DHODH: variants seen among roughly 807,000 people sequenced by gnomAD.
DHODH encodes the protein dihydroorotate dehydrogenase (quinone), also known as dihydroorotate dehydrogenase (quinone), mitochondrial.
Under a neutral mutation model 39.7 loss-of-function variants are expected in DHODH, and 30 were observed. The observed-to-expected ratio is 0.76, with a 90% CI of 0.57 to 1.02. The LOEUF (loss-of-function observed/expected upper bound fraction) is 1.02. Among genes scored for constraint, DHODH ranks in the 50% least tolerant of loss-of-function variants. The pLI, the probability that DHODH is intolerant of heterozygous loss-of-function variation, is 0.00. For synonymous variants in DHODH, 222 were observed against 213.8 expected (o/e 1.04, Z -0.34); for missense variants, 531 against 520.8 (o/e 1.02, Z -0.19).
chr16:72,010,832 G>A (rs1237656875), intron 1 of DHODH, among the ~76,000 whole-genome samples: 4 of 152,142 alleles, frequency 2.6e-5, no homozygotes, highest in Non-Finnish European at 5.9e-5. Flanking sequence ...GGGCTCAAGG[G>A]ATCCACCCAC....
chr16:72,023,582 G>C lies in DHODH; in HGVS notation c.1082G>C (p.Trp361Ser), dbSNP rs1179950311. The part of the protein sequence containing the change: ...LVQLYTALTF[W>S]GPPVVGKVKR... ...CAGCTGTACACGGCCCTCACCTTCTGGGGGCCACCCGTTGTGGGCAAAGTC... is the reference window on the plus strand; with the variant it reads ...CAGCTGTACACGGCCCTCACCTTCTCGGGGCCACCCGTTGTGGGCAAAGTC... Residue 361 changes from tryptophan to serine, a missense_variant, in exon 8 of 9, where the codon TGG becomes TCG. Trp to Ser is a radical substitution (Grantham distance 177, BLOSUM62 -3). Transcript: ENST00000219240. 1 of 1,613,932 alleles carries C rather than the reference G, an allele frequency of 6.2e-7. No individual in the cohort carries two copies. Among genetic ancestry groups the C allele is most frequent in the Non-Finnish European group, 8.5e-7 (1 of 1,180,038 alleles).
At chr16:72,008,844 G>A in intron 1 of DHODH, 59 bp downstream of exon 1, 1 of 1,551,858 alleles carries the variant, frequency 6.4e-7, no homozygotes, top group Non-Finnish European at 8.7e-7. Flanking sequence ...GGGCGAGAAC[G>A]GAGAGTCAGG....
intron 6 of DHODH, among the ~76,000 whole-genome samples, chr16:72,022,865 G>C (rs1224822111): frequency 6.6e-6 from 1 of 152,158 alleles, no homozygotes; most frequent in Non-Finnish European, 1.5e-5. Context: ...TCAAATCCTG[G>C]TTCCACCACT....
intron 4 of DHODH, among the ~76,000 whole-genome samples, chr16:72,018,426 G>A (rs1295593683): frequency 6.6e-6 from 1 of 152,196 alleles, no homozygotes; most frequent in Non-Finnish European, 1.5e-5. Context: ...TGGGTTGGGT[G>A]GAACCAGACC....
In DHODH at chr16:72,027,126, A is replaced by G. The variant is rs1419576252; in HGVS notation, c.*2927A>G. On this transcript the variant is annotated 3_prime_UTR_variant, in exon 9 of 9. Coordinates refer to ENST00000219240, the MANE Select transcript of DHODH (RefSeq NM_001361.5). ...ATTCTCCTGCCTCAGCCTCCCGAGT[A>G]GCTGGGACTACAGGCGCCTGCCACC... 1.3e-5 allele frequency: 2 copies of G among 152,238 alleles called. No individual in the cohort carries two copies. The highest frequency in any genetic ancestry group is 4.8e-5 in the African/African-American group (2 of 41,380). 9.4% of individuals were successfully genotyped at this position (152,238 alleles called of 1,614,324 possible). A position where few individuals can be genotyped will look rare whatever the true frequency, so the allele number is the denominator to read the frequency against.
chr16:72,023,698 C>A, intron 8 of DHODH, 65 bp downstream of exon 8: 1 of 1,594,774 alleles, frequency 6.3e-7, no homozygotes, highest in South Asian at 1.1e-5. Flanking sequence ...TCACTCAAGT[C>A]AACGAGATAC....
chr16:72,015,957 A>G (rs374348838), intron 3 of DHODH: 24 of 852,230 alleles, frequency 2.8e-5, no homozygotes, highest in Middle Eastern at 5.9e-4. Context: ...TGGCTCTAAC[A>G]AAGTGGCTTA....
At chr16:72,017,967 G>A (rs1280630535) in intron 4 of DHODH, among the ~76,000 whole-genome samples, 5 of 152,048 alleles carry the variant, frequency 3.3e-5, no homozygotes, top group Admixed American at 2.6e-4. Flanking sequence ...GTAGAGACGG[G>A]GTTTCACTGT....
chr16:72,008,924 G>A (rs2041050526), intron 1 of DHODH, 139 bp downstream of exon 1: 5 of 1,534,298 alleles, frequency 3.3e-6, no homozygotes, highest in Non-Finnish European at 4.4e-6. Context: ...GTGTTTCCGG[G>A]GTCTCCTGCA....
intron 1 of DHODH, among the ~76,000 whole-genome samples, chr16:72,011,657 C>G (rs1179799261): frequency 6.6e-6 from 1 of 152,188 alleles, no homozygotes; most frequent in East Asian, 1.9e-4. Context: ...TCAGAATGTT[C>G]AAAAGTCACA....
chr16:72,013,488 C>G (rs992763318), intron 2 of DHODH: 3 of 152,340 alleles, frequency 2.0e-5, no homozygotes, highest in Non-Finnish European at 4.4e-5. Context: ...CTTGCAGCAG[C>G]TCATTTAGAA....
rs921538400 is a variant in DHODH at position 72,014,326 on chromosome 16, C to T, written c.235-147C>T. On this transcript the variant is annotated intron_variant, in intron 2 of 8. Transcript: ENST00000219240. ...TTCCCCCAGTGCTCCATTCCACCCCCAAAGATTTTGACCTTGGGGGTGGGC... is the reference window on the plus strand; with the variant it reads ...TTCCCCCAGTGCTCCATTCCACCCCTAAAGATTTTGACCTTGGGGGTGGGC... 1.2e-5 allele frequency: 9 copies of T among 749,392 alleles called. 1 individual carries two copies. Among genetic ancestry groups the T allele is most frequent in the South Asian group, 8.1e-5 (5 of 62,092 alleles). 46.4% of individuals were successfully genotyped at this position (749,392 alleles called of 1,614,324 possible). A position where few individuals can be genotyped will look rare whatever the true frequency, so the allele number is the denominator to read the frequency against.
At chr16:72,015,706 T>C (rs891872553) in intron 3 of DHODH, 14 of 985,282 alleles carry the variant, frequency 1.4e-5, no homozygotes, top group African/African-American at 5.2e-5. Context: ...ATCTTCAGAA[T>C]TGGCCAGGCA....
In DHODH at chr16:72,023,312, A is replaced by G. The variant is rs778528546; in HGVS notation, c.967A>G (p.Thr323Ala). Residue 323 changes from threonine (T) to alanine (A), a missense_variant, in exon 7 of 9, where the codon ACC (threonine) becomes GCC (alanine). Transcript: ENST00000219240. ...TQTIREMYAL[T>A]QGRVPIIGVG... ...AACCATTCGGGAGATGTATGCACTC[A>G]CCCAAGGCAAGGTTTCCCGTGTTTG... The G allele has an allele frequency of 5.0e-5, 80 of 1,614,002 alleles. No homozygotes were observed. The highest frequency in any genetic ancestry group is 6.4e-5 in the Non-Finnish European group (76 of 1,180,030).
chr16:72,010,312 A>G (rs560295902), intron 1 of DHODH, among the ~76,000 whole-genome samples: 2 of 152,258 alleles, frequency 1.3e-5, no homozygotes, highest in South Asian at 4.1e-4. Context: ...ATTTTTTTAA[A>G]TAATTGAACC....
chr16:72,027,340 AG>A lies in DHODH; in HGVS notation c.*3143del, dbSNP rs2041285447. 2 of 152,224 alleles carry A rather than the reference AG, an allele frequency of 1.3e-5. No individual in the cohort carries two copies. Among genetic ancestry groups the A allele is most frequent in the East Asian group, 3.9e-4 (2 of 5,184 alleles). The allele number at this position is 152,224 out of a possible 1,614,324, so 9.4% of individuals were successfully genotyped here. ...GAGACGGGGTTTCACCATGTTGGCC[AG>A]GCTGGTCTCGAACCCCTGACCTCAA... is the stretch of plus-strand genomic sequence containing the variant. On this transcript the variant is annotated 3_prime_UTR_variant, in exon 9 of 9. Transcript: ENST00000219240.
Position 72,024,433 on chromosome 16 carries a change from C to T in DHODH, c.*234C>T. On this transcript the variant is annotated 3_prime_UTR_variant, in exon 9 of 9. Transcript: ENST00000219240. ...TCTTTGTGGATTCAAACCCTAGGAT[C>T]CATCAGTCTTGCAAGGACATTGAAT... 3 of 578,788 alleles carry T rather than the reference C, an allele frequency of 5.2e-6. No individual in the cohort carries two copies. The highest frequency in any genetic ancestry group is 9.3e-6 in the Non-Finnish European group (3 of 321,792). The allele number at this position is 578,788 out of a possible 1,614,324, so 35.9% of individuals were successfully genotyped here.
chr16:72,023,108 C>T lies in DHODH; in HGVS notation c.820-57C>T, dbSNP rs573235949. 34 of 1,601,708 alleles carry T rather than the reference C, an allele frequency of 2.1e-5. No homozygotes were observed. In the African/African-American group the frequency reaches 3.1e-4, roughly 14 times the overall value. On this transcript the variant is annotated intron_variant, in intron 6 of 8. Transcript: ENST00000219240. ...CTGCTGCCTTCGACCTCCAGAGAAG[C>T]GCCTCTGGGTCCTTCGGTGCTATGA...
rs56347696 is a variant in DHODH, at chr16:72,009,509, CAAAAAAA to C, written c.21+744_21+750del. Among the ~76,000 whole-genome samples the C allele has an allele frequency of 1.2e-3, 60 of 48,138 alleles. No homozygotes were observed. The South Asian group carries it at 0.03, about 24-fold the overall frequency. The allele number at this position is 48,138 out of a possible 152,430, so 31.6% of individuals were successfully genotyped here. On this transcript the variant is annotated intron_variant, in intron 1 of 8. Transcript: ENST00000219240. ...TGGGCGACAGAGCGAGACTCCGTCT[CAAAAAAA>C]AAAAAAAAAAAAAAAAAAATAGGTG... is the stretch of plus-strand genomic sequence containing the variant.
Sources: gnomAD v4.1 joint callset for allele counts (sites outside exome capture counted in the v4.1 genomes callset) on GRCh38, gnomAD v4.1.1 for gene constraint, MANE v1.5 for transcripts, NCBI Gene and HGNC (gene_info 2026-07-23, HGNC 2026-07-21) for gene names.